NOP14: variants seen among roughly 807,000 people sequenced by gnomAD.
NOP14 encodes the protein NOP14 nucleolar protein.
In NOP14, 57 loss-of-function variants were observed where a neutral mutation model predicts 101.6. The ratio of observed to expected loss-of-function variants is 0.56; its 90% CI spans 0.45 to 0.70. The LOEUF (loss-of-function observed/expected upper bound fraction) is 0.70, where lower values mean the gene tolerates loss of function less well. Ranked by LOEUF, NOP14 falls within the 30% of genes least tolerant of loss-of-function variation. The pLI, the probability that NOP14 is intolerant of heterozygous loss-of-function variation, is 0.00. For synonymous variants in NOP14, 428 were observed against 424.0 expected (o/e 1.01, Z -0.12); for missense variants, 1,134 against 1,075.5 (o/e 1.05, Z -0.76).
rs1447980289 is a variant in NOP14, at chr4:2,952,335, G to C, written c.810C>G (p.Asn270Lys). 1.1e-5 allele frequency: 17 copies of C among 1,613,582 alleles called. No homozygotes were observed. The highest frequency in any genetic ancestry group is 1.4e-5 in the Non-Finnish European group (17 of 1,179,728). Residue 270 changes from asparagine (N) to lysine (K), a missense_variant, in exon 6 of 18, where the codon AAC becomes AAG. By Grantham distance (94) the Asn-to-Lys change is moderately conservative. Coordinates refer to ENST00000416614, the MANE Select transcript of NOP14 (RefSeq NM_001291978.2). ...LGFEMKAQPSNRMKTEAELAK... is the reference protein window; with the variant it reads ...LGFEMKAQPSKRMKTEAELAK... ...CCAATTCTGCCTCCGTCTTCATCCT[G>C]TTAGAGGGCTGCGCCTTCATTTCAA...
intron 15 of NOP14, 127 bp downstream of exon 15, chr4:2,941,455 T>G: frequency 1.2e-6 from 1 of 819,662 alleles, no homozygotes; most frequent in South Asian, 1.8e-5. Context: ...CCTTCATATT[T>G]GTGATTTTGC....
intron 7 of NOP14, 86 bp downstream of exon 7, chr4:2,951,028 G>A (rs191256331): frequency 2.5e-5 from 32 of 1,259,974 alleles, no homozygotes; most frequent in Non-Finnish European, 3.4e-5. Context: ...ATTCCCAACT[G>A]TAATAAATCC....
In NOP14 at chr4:2,954,165, T is replaced by C. The variant is rs535467977; in HGVS notation, c.612+259A>G. Among the ~76,000 whole-genome samples the C allele has an allele frequency of 3.3e-5, 5 of 152,212 alleles. 1 individual carries two copies. Reference sequence around the variant, plus strand: ...CCACAGTGAGCTTTGATCGTGCCACTGTACTCCAGCCCGGGAAACAGAGAC... The same window carrying C: ...CCACAGTGAGCTTTGATCGTGCCACCGTACTCCAGCCCGGGAAACAGAGAC... On this transcript the variant is annotated intron_variant, in intron 4 of 17. Transcript: ENST00000416614.
chr4:2,941,777 C>G, intron 14 of NOP14, 48 bp from the exon 15 acceptor site: 1 of 1,579,834 alleles, frequency 6.3e-7, no homozygotes, highest in Middle Eastern at 1.7e-4. Context: ...CTGTTTGTCA[C>G]TGACAAAACC....
chr4:2,948,197 C>G, intron 9 of NOP14, 81 bp downstream of exon 9: 1 of 1,485,702 alleles, frequency 6.7e-7, no homozygotes, highest in Non-Finnish European at 8.9e-7. Flanking sequence ...ATGGCCGTTG[C>G]ACAACTTCAC....
chr4:2,957,503 G>A (rs1715428557), intron 2 of NOP14, 103 bp downstream of exon 2: 8 of 1,405,076 alleles, frequency 5.7e-6, no homozygotes, highest in Admixed American at 2.0e-5. Flanking sequence ...TGGACCTTCC[G>A]AGTGCCCAGG....
At chr4:2,942,666 G>A (rs1267402326) in intron 13 of NOP14, among the ~76,000 whole-genome samples, 3 of 152,200 alleles carry the variant, frequency 2.0e-5, no homozygotes, top group Non-Finnish European at 4.4e-5. Context: ...GGAACAGACT[G>A]AAGTCCCTGC....
At chr4:2,944,665 C>T (rs1013200785) in intron 12 of NOP14, among the ~76,000 whole-genome samples, 3 of 152,178 alleles carry the variant, frequency 2.0e-5, no homozygotes, top group African/African-American at 7.2e-5. Context: ...CCTCAGCCTC[C>T]GAAAGTGCTG....
rs1490292712 is a variant in NOP14 at position 2,960,751 on chromosome 4, A to T, written c.195+2374T>A. The stretch of plus-strand genomic sequence containing the variant: ...ACATTAATATTAATATATTAATATT[A>T]TAATCACATTAATATTAATATATTA... On this transcript the variant is annotated intron_variant, in intron 1 of 17. Coordinates refer to ENST00000416614, the MANE Select transcript of NOP14 (RefSeq NM_001291978.2). Among the ~76,000 whole-genome samples, 4 of 138,536 alleles carry T rather than the reference A, an allele frequency of 2.9e-5. No individual in the cohort carries two copies. The South Asian group carries it at 6.4e-4, about 22-fold the overall frequency. 90.9% of individuals were successfully genotyped at this position (138,536 alleles called of 152,430 possible).
chr4:2,939,109 C>A, intron 17 of NOP14, 79 bp downstream of exon 17: 1 of 1,582,068 alleles, frequency 6.3e-7, no homozygotes, highest in South Asian at 1.1e-5. Flanking sequence ...ATGCCAGGTG[C>A]CCGGTGCTCT....
rs994535675 is a variant in NOP14, at chr4:2,957,671, C to T, written c.265G>A (p.Gly89Arg). 1 of 1,613,916 alleles carries T rather than the reference C, an allele frequency of 6.2e-7. No homozygotes were observed. The highest frequency in any genetic ancestry group is 8.5e-7 in the Non-Finnish European group (1 of 1,179,948). ...KSNVFRDKRF[G>R]EYNSNMSPEE... ...GGGCTCATGTTGCTGTTGTATTCTC[C>T]GAAGCGTTTATCTCTGAATACATTG... Residue 89 changes from glycine (G) to arginine (R), a missense_variant, in exon 2 of 18, where the codon GGA (glycine) becomes AGA (arginine). Transcript: ENST00000416614.
At chr4:2,960,277 C>T (rs1297117289) in intron 1 of NOP14, among the ~76,000 whole-genome samples, 1 of 151,926 alleles carries the variant, frequency 6.6e-6, no homozygotes, top group Non-Finnish European at 1.5e-5. Context: ...CAGCATACAC[C>T]GAGAAGACTT....
At chr4:2,956,647 C>G (rs1244259430) in intron 3 of NOP14, 23 bp downstream of exon 3, 7 of 1,603,680 alleles carry the variant, frequency 4.4e-6, no homozygotes, top group South Asian at 2.3e-5. Context: ...CCCACAGGCC[C>G]GTGCACAGCA....
rs577907809 is a variant in NOP14, at chr4:2,953,390, A to G, written c.747+121T>C. ...AGCAGGTAATTCAGTATCAATGTTCAACAGAAACTTGCCCTAAAGGAGACA... is the reference window on the plus strand; with the variant it reads ...AGCAGGTAATTCAGTATCAATGTTCGACAGAAACTTGCCCTAAAGGAGACA... On this transcript the variant is annotated intron_variant, in intron 5 of 17. Transcript: ENST00000416614. 7.7e-4 allele frequency: 803 copies of G among 1,048,164 alleles called. 10 individuals are homozygous for G. Among genetic ancestry groups the G allele is most frequent in the South Asian group, 6.8e-3 (435 of 64,326 alleles). 64.9% of individuals were successfully genotyped at this position (1,048,164 alleles called of 1,614,324 possible). A position where few individuals can be genotyped will look rare whatever the true frequency, so the allele number is the denominator to read the frequency against.
chr4:2,947,431 C>T, intron 10 of NOP14, 95 bp downstream of exon 10: 2 of 886,548 alleles, frequency 2.3e-6, no homozygotes, highest in Non-Finnish European at 3.6e-6. Context: ...TTCCACCTAC[C>T]TTAGTAACTC....
chr4:2,946,141 A>ACTCCAGATCACCCTCGCTGCCGTGCACT (rs1714616622), intron 11 of NOP14, among the ~76,000 whole-genome samples: 3 of 91,566 alleles, frequency 3.3e-5, no homozygotes, highest in African/African-American at 1.5e-4. Flanking sequence ...CCGTGCACTC[A>ACTCCAGATCACCCTCGCTGCCGTGCACT]CTCCAGATCA....
At position 2,963,291 on chromosome 4, in the gene NOP14, C is replaced by T. The variant is rs1322052204; in HGVS notation, c.29G>A (p.Arg10Gln). ...CGCCGGCGCCCCGGAGGCCTTCCTT[C>T]GCGCCCCGACCTTCTTCGCCTTCGC... MAKAKKVGA[R>Q]RKASGAPAGA... Residue 10 changes from arginine to glutamine, a missense_variant, in exon 1 of 18, where the codon CGA becomes CAA. By Grantham distance (43) the Arg-to-Gln change is conservative. Transcript: ENST00000416614. 1 of 1,594,838 alleles carries T rather than the reference C, an allele frequency of 6.3e-7. No homozygotes were observed. Among genetic ancestry groups the T allele is most frequent in the South Asian group, 1.1e-5 (1 of 89,684 alleles).
Position 2,939,356 on chromosome 4 carries a change from A to G in NOP14, c.2319-13T>C, listed in dbSNP as rs995289687. ...TCCAAACTCGAGGCTACAACCAGAA[A>G]GCCACTGTTAAGGAAGCAAGAGTCT... On this transcript the variant is annotated splice_polypyrimidine_tract_variant and intron_variant, in intron 16 of 17. Coordinates refer to ENST00000416614, the MANE Select transcript of NOP14 (RefSeq NM_001291978.2). 1 of 1,613,882 alleles carries G rather than the reference A, an allele frequency of 6.2e-7. No homozygotes were observed. Among genetic ancestry groups the G allele is most frequent in the African/African-American group, 1.3e-5 (1 of 74,912 alleles).
At chr4:2,947,964 A>G (rs1037337667) in intron 9 of NOP14, among the ~76,000 whole-genome samples, 5 of 150,502 alleles carry the variant, frequency 3.3e-5, no homozygotes, top group Non-Finnish European at 7.4e-5. Flanking sequence ...CCTATCTGCC[A>G]CAGCAAAGTC....
Sources: allele counts gnomAD v4.1 joint callset (sites outside exome capture counted in the v4.1 genomes callset), GRCh38; gene constraint gnomAD v4.1.1; transcripts MANE v1.5; gene names NCBI Gene and HGNC (gene_info 2026-07-23, HGNC 2026-07-21).